The following COG4 variants were observed in gnomAD, a reference collection of about 807,000 sequenced individuals.
COG4 encodes component of oligomeric golgi complex 4, also known as conserved oligomeric Golgi complex subunit 4.
COG4 carries 65 observed loss-of-function variants against 95.1 expected under a neutral mutation model. The observed-to-expected ratio is 0.68, with a 90% CI of 0.56 to 0.84. The LOEUF (loss-of-function observed/expected upper bound fraction) is 0.84, where lower values mean the gene tolerates loss of function less well. Ranked by LOEUF, COG4 falls within the 40% of genes least tolerant of loss-of-function variation. The pLI, the probability that COG4 is intolerant of heterozygous loss-of-function variation, is 0.00. For synonymous variants in COG4, 421 were observed against 374.8 expected, an observed-to-expected ratio of 1.12 and a Z score of -1.42; for missense variants, 1,045 against 989.1, an observed-to-expected ratio of 1.06 and a Z score of -0.76.
rs757876498 is a variant in COG4, at chr16:70,509,962, C to G, written c.798G>C (p.Arg266=). ...TATCTGCAAAGATGACTGCAGCTCT[C>G]CGATCACTCATGTCTGTCCCCAGCA... ...LMVLGTDMSD[R]RAAVIFADTL... The change falls in exon 6 of 19, where the codon CGG becomes CGC. Residue 266 remains arginine (R), a synonymous_variant. Coordinates refer to ENST00000323786, the MANE Select transcript of COG4 (RefSeq NM_015386.3). The G allele has an allele frequency of 6.2e-7, 1 of 1,614,016 alleles. No homozygotes were observed. The highest frequency in any genetic ancestry group is 1.1e-5 in the South Asian group (1 of 91,078).
chr16:70,520,379 G>T (rs866673240), intron 1 of COG4, among the ~76,000 whole-genome samples: 1 of 50,334 alleles, frequency 2.0e-5, no homozygotes, highest in South Asian at 1.8e-3. Flanking sequence ...GGGGGTGGGG[G>T]GGGGGGGGGG....
intron 11 of COG4, 152 bp from the exon 12 acceptor site, chr16:70,496,583 C>T: frequency 2.7e-6 from 2 of 738,534 alleles, no homozygotes; most frequent in South Asian, 1.6e-5. Context: ...ACCTGAGGAG[C>T]CAGGGTATGA....
intron 8 of COG4, among the ~76,000 whole-genome samples, chr16:70,506,622 A>AAC (rs2049580197): frequency 7.8e-6 from 1 of 127,630 alleles, no homozygotes; most frequent in East Asian, 2.0e-4. Context: ...AAAAAACAAA[A>AAC]AAAAAAACAT....
rs1279605772 is a variant in COG4 at position 70,480,814 on chromosome 16, C to T, written c.*196G>A. The stretch of plus-strand genomic sequence containing the variant: ...GCTTCTCTCGGTGGGGAGATGCTGC[C>T]CCCAGAGCATCACCTGGCCAGGTCT... On this transcript the variant is annotated 3_prime_UTR_variant, in exon 19 of 19. Coordinates refer to ENST00000323786, the MANE Select transcript of COG4 (RefSeq NM_015386.3). 7 of 606,762 alleles carry T rather than the reference C, an allele frequency of 1.2e-5. No homozygotes were observed. Among genetic ancestry groups the T allele is most frequent in the South Asian group, 2.1e-5 (1 of 48,502 alleles). The allele number at this position is 606,762 out of a possible 1,614,324, so 37.6% of individuals were successfully genotyped here.
chr16:70,505,256 G>GGT, intron 8 of COG4, among the ~76,000 whole-genome samples: 1 of 144,240 alleles, frequency 6.9e-6, no homozygotes, highest in East Asian at 2.1e-4. Flanking sequence ...GGAGTGCAGT[G>GGT]GCACGATATT....
In COG4 at chr16:70,485,450, C is replaced by T. The variant is rs528248583; in HGVS notation, c.1711-1481G>A. Among the ~76,000 whole-genome samples, 16 of 151,602 alleles carry T rather than the reference C, an allele frequency of 1.1e-4. No individual in the cohort carries two copies. In the East Asian group the frequency reaches 2.0e-3, roughly 18 times the overall value. On this transcript the variant is annotated intron_variant, in intron 13 of 18. Transcript: ENST00000323786. Reference sequence around the variant, plus strand: ...AACTCCTGACCTCAGGTGATCCACCCGCCTCAGCCTCCCAAAGTGCTGGAT... The same window carrying T: ...AACTCCTGACCTCAGGTGATCCACCTGCCTCAGCCTCCCAAAGTGCTGGAT...
chr16:70,493,244 TCTGCATGGATCTAGC>T (rs1228150048), intron 12 of COG4, among the ~76,000 whole-genome samples: 1 of 152,102 alleles, frequency 6.6e-6, no homozygotes, highest in Non-Finnish European at 1.5e-5. Flanking sequence ...CTATTTCTTG[TCTGCATGGATCTAGC>T]CTGTTTTCTT....
At chr16:70,504,558 A>C (rs1199975175) in intron 8 of COG4, among the ~76,000 whole-genome samples, 1 of 148,994 alleles carries the variant, frequency 6.7e-6, no homozygotes, top group East Asian at 2.0e-4. Flanking sequence ...AGTGAGCCAA[A>C]ATTGAGCCAC....
At chr16:70,512,042 G>A (rs2049717460) in intron 5 of COG4, among the ~76,000 whole-genome samples, 197 bp downstream of exon 5, 1 of 152,156 alleles carries the variant, frequency 6.6e-6, no homozygotes, top group African/African-American at 2.4e-5. Context: ...TCTTGGCCAT[G>A]CCTGGTACAC....
intron 9 of COG4, among the ~76,000 whole-genome samples, chr16:70,499,821 G>A (rs1177037950): frequency 1.3e-5 from 2 of 151,892 alleles, no homozygotes; most frequent in Admixed American, 6.6e-5. Context: ...CACCACGCCC[G>A]GCTAATTTTT....
rs949134176 is a variant in COG4 at position 70,482,726 on chromosome 16, A to G, written c.1920+3T>C. On this transcript the variant is annotated splice_donor_region_variant and intron_variant, in intron 15 of 18. Transcript: ENST00000323786. Reference sequence around the variant, plus strand: ...CTTGATGGCTGCCTGTGGCCAGGCTAACCTCCTCGATGTTGTGGGAGACGG... The same window carrying G: ...CTTGATGGCTGCCTGTGGCCAGGCTGACCTCCTCGATGTTGTGGGAGACGG... The G allele has an allele frequency of 1.2e-6, 2 of 1,612,790 alleles. No individual in the cohort carries two copies. The highest frequency in any genetic ancestry group is 1.7e-6 in the Non-Finnish European group (2 of 1,179,122).
At chr16:70,482,004 C>T (rs2049007347) in intron 16 of COG4, 88 bp downstream of exon 16, 3 of 1,379,028 alleles carry the variant, frequency 2.2e-6, no homozygotes, top group East Asian at 2.3e-5. Flanking sequence ...TTCAGGGTCC[C>T]CAGAAGGAAT....
At chr16:70,492,268 T>C (rs1041967988) in intron 12 of COG4, among the ~76,000 whole-genome samples, 5 of 152,006 alleles carry the variant, frequency 3.3e-5, no homozygotes, top group Non-Finnish European at 7.4e-5. Flanking sequence ...ACAAATAAAC[T>C]AAAAAAATGA....
At chr16:70,496,465 T>C (rs781576955) in intron 11 of COG4, 34 bp from the exon 12 acceptor site, 10 of 1,611,962 alleles carry the variant, frequency 6.2e-6, no homozygotes, top group Non-Finnish European at 8.5e-6. Context: ...GAATTGACAG[T>C]GCTCAACTTG....
chr16:70,508,989 T>C lies in COG4; in HGVS notation c.1002+242A>G, dbSNP rs551749921. The C allele has an allele frequency of 1.7e-3, 970 of 585,158 alleles. 9 individuals carry two copies. The highest frequency in any genetic ancestry group is 0.013 in the Middle Eastern group (49 of 3,656). The allele number at this position is 585,158 out of a possible 1,614,324, so 36.2% of individuals were successfully genotyped here. A position where few individuals can be genotyped will look rare whatever the true frequency, so the allele number is the denominator to read the frequency against. ...GAACTGGTTTACTACTTCTGCTGTG[T>C]TCTTTTCAGGAAGCTCTTTTTATTT... On this transcript the variant is annotated intron_variant, in intron 7 of 18. Transcript: ENST00000323786.
At chr16:70,494,034 C>T (rs1483532950) in intron 12 of COG4, among the ~76,000 whole-genome samples, 1 of 152,148 alleles carries the variant, frequency 6.6e-6, no homozygotes, top group Non-Finnish European at 1.5e-5. Flanking sequence ...CTTCCCTTGT[C>T]GGTGTCCTGC....
Position 70,495,566 on chromosome 16 carries a change from G to C in COG4, c.1647+700C>G, listed in dbSNP as rs998904163. Among the ~76,000 whole-genome samples, 13 of 152,218 alleles carry C rather than the reference G, an allele frequency of 8.5e-5. 1 individual carries two copies. The highest frequency in any genetic ancestry group is 1.9e-4 in the East Asian group (1 of 5,188). On this transcript the variant is annotated intron_variant, in intron 12 of 18. Coordinates refer to ENST00000323786, the MANE Select transcript of COG4 (RefSeq NM_015386.3). The stretch of plus-strand genomic sequence containing the variant: ...AAGACTCAGGGTGCGGCCAATGTGG[G>C]GGATGGAGCAGAATGGACCTCGGAC...
chr16:70,516,546 T>C (rs559156180), intron 3 of COG4, among the ~76,000 whole-genome samples: 13 of 152,302 alleles, frequency 8.5e-5, no homozygotes, highest in African/African-American at 3.1e-4. Context: ...TCTGTCCGCC[T>C]TGGCCTCCCA....
chr16:70,486,191 A>C lies in COG4; in HGVS notation c.1711-2222T>G, dbSNP rs371103186. Among the ~76,000 whole-genome samples the C allele has an allele frequency of 1.5e-4, 23 of 152,116 alleles. No homozygotes were observed. The East Asian group carries it at 2.9e-3, about 19-fold the overall frequency. On this transcript the variant is annotated intron_variant, in intron 13 of 18. Coordinates refer to ENST00000323786, the MANE Select transcript of COG4 (RefSeq NM_015386.3). ...ATTACAGGCGTGAGCCACCGCGCCCAGCCCAGAATGCCTGTTTCTAATCAC... is the reference window on the plus strand; with the variant it reads ...ATTACAGGCGTGAGCCACCGCGCCCCGCCCAGAATGCCTGTTTCTAATCAC...
Sources: allele counts gnomAD v4.1 joint callset (sites outside exome capture counted in the v4.1 genomes callset), GRCh38; gene constraint gnomAD v4.1.1; transcripts MANE v1.5; gene names NCBI Gene and HGNC (gene_info 2026-07-23, HGNC 2026-07-21).